The following CCDC148 variants were observed in gnomAD, a reference collection of about 807,000 sequenced individuals.
The protein encoded by CCDC148 is coiled-coil domain-containing protein 148.
In CCDC148, 89 loss-of-function variants were observed where a neutral mutation model predicts 85.7. The observed-to-expected ratio is 1.04, with a 90% confidence interval of 0.87 to 1.24. The LOEUF (loss-of-function observed/expected upper bound fraction) is 1.24. CCDC148 is among the 50% of genes most tolerant of loss of function. The pLI is 0.00. For synonymous variants in CCDC148, 230 were observed against 213.9 expected, an observed-to-expected ratio of 1.08 and a Z score of -0.66; for missense variants, 692 against 671.7, an observed-to-expected ratio of 1.03 and a Z score of -0.33.
intron 8 of CCDC148, among the ~76,000 whole-genome samples, chr2:158,312,998 T>A (rs1251710921): frequency 6.6e-6 from 1 of 152,236 alleles, no homozygotes. Context: ...ACTTGCTTAA[T>A]TTAAAACAAT....
chr2:158,263,166 T>C lies in CCDC148; in HGVS notation c.1111-12254A>G, dbSNP rs533484810. 9.9e-5 allele frequency among the ~76,000 whole-genome samples: 15 copies of C among 152,144 alleles called. No individual in the cohort carries two copies. In the South Asian group the frequency reaches 2.7e-3, roughly 27 times the overall value. On this transcript the variant is annotated intron_variant, in intron 9 of 13. Coordinates refer to ENST00000283233, the MANE Select transcript of CCDC148 (RefSeq NM_138803.4). ...CTTTGAACGATTCACAAAGGAGGAT[T>C]TGGACTCTAAGGGAACAGTCAAGTT... is the stretch of plus-strand genomic sequence containing the variant.
At chr2:158,246,273 G>A (rs927091011) in intron 10 of CCDC148, among the ~76,000 whole-genome samples, 1 of 152,188 alleles carries the variant, frequency 6.6e-6, no homozygotes. Context: ...GGCTGCTGGT[G>A]TAATTTTCTG....
chr2:158,179,570 C>G (rs1684785956), intron 11 of CCDC148, among the ~76,000 whole-genome samples: 2 of 152,178 alleles, frequency 1.3e-5, no homozygotes, highest in East Asian at 1.9e-4. Flanking sequence ...TCTGGCTAAC[C>G]TGCCCTGAGA....
intron 11 of CCDC148, among the ~76,000 whole-genome samples, chr2:158,194,457 T>C (rs911416659): frequency 2.0e-5 from 3 of 152,160 alleles, no homozygotes; most frequent in Non-Finnish European, 2.9e-5. Flanking sequence ...GCAGGGGCCC[T>C]GGATTAATTA....
intron 11 of CCDC148, among the ~76,000 whole-genome samples, chr2:158,216,452 A>G (rs1206598946): frequency 8.2e-6 from 1 of 121,490 alleles, no homozygotes; most frequent in East Asian, 2.5e-4. Context: ...GCTGCAGTGC[A>G]GTGGCATGAT....
At chr2:158,211,187 T>C (rs1553481743) in intron 11 of CCDC148, among the ~76,000 whole-genome samples, 1 of 150,090 alleles carries the variant, frequency 6.7e-6, no homozygotes, top group Non-Finnish European at 1.5e-5. Context: ...AGTATAATAA[T>C]AAAAAAAAAG....
At chr2:158,180,311 C>G (rs1684834678) in intron 11 of CCDC148, among the ~76,000 whole-genome samples, 1 of 152,130 alleles carries the variant, frequency 6.6e-6, no homozygotes, top group Non-Finnish European at 1.5e-5. Context: ...GACCTCACAA[C>G]AATCACATGC....
At chr2:158,251,881 G>A (rs946613062) in intron 9 of CCDC148, among the ~76,000 whole-genome samples, 10 of 151,754 alleles carry the variant, frequency 6.6e-5, no homozygotes, top group African/African-American at 9.7e-5. Flanking sequence ...GGTTATCTCT[G>A]AATAGAATCA....
chr2:158,430,321 T>A (rs1344719027), intron 1 of CCDC148, among the ~76,000 whole-genome samples: 1 of 152,302 alleles, frequency 6.6e-6, no homozygotes, highest in South Asian at 2.1e-4. Flanking sequence ...ACCTGATCCA[T>A]GAGTCTTAGC....
chr2:158,330,568 G>C (rs193147268), intron 7 of CCDC148, among the ~76,000 whole-genome samples: 1 of 152,282 alleles, frequency 6.6e-6, no homozygotes, highest in East Asian at 1.9e-4. Context: ...GATTGGAATA[G>C]GTTCAGAAGG....
intron 1 of CCDC148, among the ~76,000 whole-genome samples, chr2:158,436,226 A>G (rs1687644566): frequency 6.6e-6 from 1 of 152,218 alleles, no homozygotes; most frequent in South Asian, 2.1e-4. Context: ...CATAGTTGGA[A>G]GTAAAGCACT....
intron 11 of CCDC148, among the ~76,000 whole-genome samples, chr2:158,180,715 G>T (rs1010279): frequency 6.6e-6 from 1 of 151,992 alleles, no homozygotes; most frequent in Non-Finnish European, 1.5e-5. Context: ...CCCTTAGGAA[G>T]ACATGCTCCT....
At chr2:158,319,795 T>TG (rs1692442100) in intron 7 of CCDC148, among the ~76,000 whole-genome samples, 3 of 152,080 alleles carry the variant, frequency 2.0e-5, no homozygotes, top group African/African-American at 7.2e-5. Context: ...AGACCCAACA[T>TG]GGGGAGAGAC....
At chr2:158,322,280 G>A (rs1692554922) in intron 7 of CCDC148, among the ~76,000 whole-genome samples, 1 of 152,044 alleles carries the variant, frequency 6.6e-6, no homozygotes, top group African/African-American at 2.4e-5. Context: ...TTGGTTAAAT[G>A]TATGTGATAC....
intron 12 of CCDC148, among the ~76,000 whole-genome samples, chr2:158,178,467 T>G (rs1684704120): frequency 6.6e-6 from 1 of 152,242 alleles, no homozygotes; most frequent in South Asian, 2.1e-4. Context: ...TTTTAACACA[T>G]TTGTTGACTG....
intron 9 of CCDC148, among the ~76,000 whole-genome samples, chr2:158,257,943 A>G (rs1689075280): frequency 1.3e-5 from 2 of 152,050 alleles, no homozygotes; most frequent in South Asian, 4.1e-4. Flanking sequence ...TATGAAAGTA[A>G]CAAAGAAACT....
chr2:158,172,352 T>G (rs1359509768), intron 13 of CCDC148, 93 bp from the exon 14 acceptor site: 1 of 964,724 alleles, frequency 1.0e-6, no homozygotes, highest in Non-Finnish European at 1.6e-6. Context: ...TAATTTGTTT[T>G]TACTGGACAG....
At chr2:158,312,934 G>A (rs1424854042) in intron 8 of CCDC148, among the ~76,000 whole-genome samples, 2 of 152,158 alleles carry the variant, frequency 1.3e-5, no homozygotes, top group South Asian at 4.1e-4. Context: ...TGTATTCAAG[G>A]AGTTTCCACG....
intron 11 of CCDC148, among the ~76,000 whole-genome samples, chr2:158,208,279 G>A (rs1166498162): frequency 1.3e-5 from 2 of 152,180 alleles, no homozygotes; most frequent in African/African-American, 4.8e-5. Flanking sequence ...GCTGTTTTAG[G>A]TATAGAAAGA....
Sources: allele counts gnomAD v4.1 joint callset (sites outside exome capture counted in the v4.1 genomes callset), GRCh38; gene constraint gnomAD v4.1.1; transcripts MANE v1.5; gene names NCBI Gene and HGNC (gene_info 2026-07-23, HGNC 2026-07-21).